Variants in SORCS1 observed in about 807,000 individuals in gnomAD.
SORCS1 encodes the protein VPS10 domain-containing receptor SorCS1.
SORCS1 carries 60 observed loss-of-function variants against 146.1 expected under a neutral mutation model. That is an observed-to-expected ratio of 0.41 (90% CI 0.33 to 0.51). The LOEUF (loss-of-function observed/expected upper bound fraction) is 0.51, where lower values mean the gene tolerates loss of function less well. Ranked by LOEUF, SORCS1 falls within the 20% of genes least tolerant of loss-of-function variation. The pLI is 0.21. For missense variants in SORCS1, 1,352 were observed against 1,487.6 expected (o/e 0.91, Z 1.50); for synonymous variants, 637 against 584.0 (o/e 1.09, Z -1.31).
intron 1 of SORCS1, among the ~76,000 whole-genome samples, chr10:107,042,611 A>G (rs1040013952): frequency 2.1e-5 from 3 of 143,736 alleles, no homozygotes; most frequent in Non-Finnish European, 4.6e-5. Context: ...GAAGTGAACT[A>G]TTTTTTTTTT....
At chr10:107,110,410 C>T (rs951993286) in intron 1 of SORCS1, among the ~76,000 whole-genome samples, 17 of 152,084 alleles carry the variant, frequency 1.1e-4, no homozygotes, top group African/African-American at 4.1e-4. Flanking sequence ...TGCCCAGCTT[C>T]CGGTGAAGCC....
At position 107,040,357 on chromosome 10, in the gene SORCS1, C is replaced by T. The variant is rs189328422; in HGVS notation, c.559-83777G>A. On this transcript the variant is annotated intron_variant, in intron 1 of 25. Transcript: ENST00000263054. ...CCTTTATTGACTTTGGGTTGCACTC[C>T]ACATTTAATTATGCCAGATAATAAC... Among the ~76,000 whole-genome samples, 920 of 152,170 alleles carry T rather than the reference C, an allele frequency of 6.0e-3. 20 individuals carry two copies. The highest frequency in any genetic ancestry group is 0.052 in the Admixed American group (789 of 15,282).
At chr10:107,112,444 A>G (rs1229539936) in intron 1 of SORCS1, among the ~76,000 whole-genome samples, 1 of 152,144 alleles carries the variant, frequency 6.6e-6, no homozygotes, top group Non-Finnish European at 1.5e-5. Flanking sequence ...AAAATTCAAC[A>G]AATCACAAAG....
intron 1 of SORCS1, among the ~76,000 whole-genome samples, chr10:107,093,707 G>A (rs1964363424): frequency 6.7e-6 from 1 of 150,270 alleles, no homozygotes; most frequent in African/African-American, 2.4e-5. Context: ...AGTCTTTCAT[G>A]TCACTCCCTG....
chr10:106,608,812 G>A (rs1452166465), intron 22 of SORCS1, among the ~76,000 whole-genome samples: 18 of 152,166 alleles, frequency 1.2e-4, no homozygotes, highest in Admixed American at 1.0e-3. Context: ...GGGAAAACTT[G>A]AGCTGCCATG....
intron 1 of SORCS1, among the ~76,000 whole-genome samples, chr10:107,085,530 C>T (rs1369974329): frequency 6.6e-6 from 1 of 152,078 alleles, no homozygotes; most frequent in Non-Finnish European, 1.5e-5. Flanking sequence ...AATTTATTTA[C>T]CATCAAATAA....
At chr10:106,795,667 A>T (rs1946520568) in intron 3 of SORCS1, among the ~76,000 whole-genome samples, 1 of 152,208 alleles carries the variant, frequency 6.6e-6, no homozygotes, top group Non-Finnish European at 1.5e-5. Flanking sequence ...GATCTTTGGT[A>T]TTTATAGGCA....
At chr10:107,158,117 T>C (rs955229545) in intron 1 of SORCS1, among the ~76,000 whole-genome samples, 2 of 152,182 alleles carry the variant, frequency 1.3e-5, no homozygotes, top group African/African-American at 4.8e-5. Context: ...TTGTGAAAAC[T>C]CTGTGTGGAA....
chr10:106,589,037 C>T (rs948449632), intron 24 of SORCS1, among the ~76,000 whole-genome samples: 1 of 152,162 alleles, frequency 6.6e-6, no homozygotes, highest in African/African-American at 2.4e-5. Context: ...ATCTCCCACC[C>T]TGAGTTGGAA....
intron 3 of SORCS1, among the ~76,000 whole-genome samples, chr10:106,790,455 G>A (rs567957179): frequency 1.2e-4 from 19 of 152,316 alleles, no homozygotes; most frequent in East Asian, 1.9e-4. Context: ...AAATGTAATC[G>A]TGTGTAAGAA....
chr10:107,020,890 G>T (rs1958096323), intron 1 of SORCS1, among the ~76,000 whole-genome samples: 2 of 151,812 alleles, frequency 1.3e-5, no homozygotes, highest in African/African-American at 4.8e-5. Context: ...CACTTTTCCT[G>T]TCTCTATATA....
intron 1 of SORCS1, among the ~76,000 whole-genome samples, chr10:107,131,782 T>G (rs528035416): frequency 5.3e-5 from 8 of 152,296 alleles, no homozygotes; most frequent in Admixed American, 2.0e-4. Context: ...ACACAGAGGA[T>G]GCTATCATGA....
chr10:107,059,457 T>A (rs1201360322), intron 1 of SORCS1, among the ~76,000 whole-genome samples: 3 of 149,072 alleles, frequency 2.0e-5, no homozygotes, highest in African/African-American at 7.3e-5. Context: ...AAAGGCATTA[T>A]CTCTGGTTGA....
chr10:106,793,288 A>C (rs1335196890), intron 3 of SORCS1, among the ~76,000 whole-genome samples: 1 of 152,238 alleles, frequency 6.6e-6, no homozygotes, highest in Non-Finnish European at 1.5e-5. Context: ...GATTCGTGAC[A>C]GGGGAATCAC....
At chr10:106,693,800 A>G (rs1463937832) in intron 9 of SORCS1, among the ~76,000 whole-genome samples, 1 of 152,136 alleles carries the variant, frequency 6.6e-6, no homozygotes, top group African/African-American at 2.4e-5. Context: ...TTATAAATCA[A>G]TTCAAAGGAA....
intron 2 of SORCS1, among the ~76,000 whole-genome samples, chr10:106,842,249 T>C (rs140264614): frequency 2.6e-4 from 40 of 152,358 alleles, no homozygotes; most frequent in African/African-American, 9.6e-4. Flanking sequence ...TATTTTTGTT[T>C]TTTGAGACAC....
intron 2 of SORCS1, among the ~76,000 whole-genome samples, chr10:106,861,769 G>T (rs1287438431): frequency 6.6e-6 from 1 of 152,006 alleles, no homozygotes; most frequent in Non-Finnish European, 1.5e-5. Context: ...TGCACCTGTA[G>T]TCCCAGCTAC....
At chr10:106,716,277 G>A (rs139407193) in intron 6 of SORCS1, among the ~76,000 whole-genome samples, 240 of 152,234 alleles carry the variant, frequency 1.6e-3, no homozygotes, top group African/African-American at 5.2e-3. Flanking sequence ...CAGGTGTTCC[G>A]TCTTCCTGTT....
chr10:106,795,747 A>G (rs1176983816), intron 3 of SORCS1, among the ~76,000 whole-genome samples: 3 of 152,218 alleles, frequency 2.0e-5, no homozygotes. Flanking sequence ...CTCTAGAATT[A>G]AGAAAGAGAT....
Sources: allele counts gnomAD v4.1 joint callset (sites outside exome capture counted in the v4.1 genomes callset), GRCh38; gene constraint gnomAD v4.1.1; transcripts MANE v1.5; gene names NCBI Gene and HGNC (gene_info 2026-07-23, HGNC 2026-07-21).